SULT1E1: variants seen among roughly 807,000 people sequenced by gnomAD.
SULT1E1 encodes the protein sulfotransferase 1E1.
In SULT1E1, 36 loss-of-function variants were observed where a neutral mutation model predicts 33.6. The observed-to-expected ratio is 1.07, with a 90% CI of 0.82 to 1.41. The LOEUF (loss-of-function observed/expected upper bound fraction) is 1.41. Ranked by LOEUF, SULT1E1 falls within the 40% of genes most tolerant of loss-of-function variation. The pLI is 0.00. For missense variants in SULT1E1, 371 were observed against 345.7 expected (o/e 1.07, Z -0.58); for synonymous variants, 121 against 111.7 (o/e 1.08, Z -0.53).
chr4:69,855,288 A>T lies in SULT1E1; in HGVS notation c.271+13T>A. 1.9e-6 allele frequency: 3 copies of T among 1,609,306 alleles called. No individual in the cohort carries two copies. The highest frequency in any genetic ancestry group is 2.5e-6 in the Non-Finnish European group (3 of 1,177,800). ...TATATGCAAATAGTTTTTAAAATCA[A>T]CTTGAACGTTACCATTCATGAGGTT... On this transcript the variant is annotated intron_variant, in intron 3 of 7. Transcript: ENST00000226444.
At chr4:69,846,225 A>G (rs2110067044) in intron 6 of SULT1E1, among the ~76,000 whole-genome samples, 1 of 148,912 alleles carries the variant, frequency 6.7e-6, no homozygotes, top group Admixed American at 6.7e-5. Context: ...CTTATGAAAT[A>G]GAACATTCAC....
chr4:69,849,559 A>G lies in SULT1E1; in HGVS notation c.374T>C (p.Ile125Thr). 6.2e-7 allele frequency: 1 copy of G among 1,603,866 alleles called. No individual in the cohort carries two copies. The highest frequency in any genetic ancestry group is 8.5e-7 in the Non-Finnish European group (1 of 1,175,708). The change falls in exon 5 of 8, where the codon ATC becomes ACC. Residue 125 changes from isoleucine to threonine, a missense_variant. Physicochemically the swap from Ile to Thr is moderately conservative, Grantham distance 89. Coordinates refer to ENST00000226444, the MANE Select transcript of SULT1E1 (RefSeq NM_005420.3). ...ASFWEKDCKI[I>T]YLCRNAKDVA... ...ATCCTTTGCATTCCGGCAAAGATAG[A>G]TTATCTAAGAGGATGAAATTGTATA...
chr4:69,838,847 C>T (rs1362038189), downstream of SULT1E1, among the ~76,000 whole-genome samples: 1 of 152,354 alleles, frequency 6.6e-6, no homozygotes, highest in South Asian at 2.1e-4. Flanking sequence ...TCATACTGCA[C>T]TTGCCCTTTA....
In SULT1E1 at chr4:69,843,083, G is replaced by A. The variant is rs371340295; in HGVS notation, c.773-977C>T. On this transcript the variant is annotated intron_variant, in intron 7 of 7. Transcript: ENST00000226444. ...GATCTCCTGACCTCATGATCCGCCC[G>A]TCTCGGCCTCCCAAAGTGCTGGGAT... 5.9e-5 allele frequency among the ~76,000 whole-genome samples: 9 copies of A among 152,170 alleles called. No individual in the cohort carries two copies. The South Asian group carries it at 6.2e-4, about 11-fold the overall frequency.
At position 69,841,878 on chromosome 4, in the gene SULT1E1, G is replaced by T; in HGVS notation, c.*116C>A. 110 of 474,038 alleles carry T rather than the reference G, an allele frequency of 2.3e-4. No individual in the cohort carries two copies. The highest frequency in any genetic ancestry group is 3.2e-4 in the Non-Finnish European group (90 of 283,462). 29.4% of individuals were successfully genotyped at this position (474,038 alleles called of 1,614,324 possible). ...AAAAAGTTAAACAAAAATTTAAAAA[G>T]AAAATGTCAACATAATCCATGATTA... On this transcript the variant is annotated 3_prime_UTR_variant, in exon 8 of 8. Transcript: ENST00000226444.
rs375864132 is a variant in SULT1E1 at position 69,842,041 on chromosome 4, C to T, written c.838G>A (p.Glu280Lys). ...ALNEKFDKHYEQQMKESTLKF... is the reference protein window; with the variant it reads ...ALNEKFDKHYKQQMKESTLKF... ...AGTGTAGATTCCTTCATTTGCTGCT[C>T]ATAATGTTTATCAAATTTTTCATTC... Residue 280 changes from glutamate (E) to lysine (K), a missense_variant, in exon 8 of 8, where the codon GAG becomes AAG. Coordinates refer to ENST00000226444, the MANE Select transcript of SULT1E1 (RefSeq NM_005420.3). 17 of 1,609,552 alleles carry T rather than the reference C, an allele frequency of 1.1e-5. No homozygotes were observed. The highest frequency in any genetic ancestry group is 1.4e-5 in the Non-Finnish European group (16 of 1,178,402).
chr4:69,837,363 CAAT>C (rs1003683742), downstream of SULT1E1, among the ~76,000 whole-genome samples: 22 of 151,820 alleles, frequency 1.4e-4, no homozygotes, highest in South Asian at 4.2e-4. Flanking sequence ...AAAATATTAA[CAAT>C]AATAATAATT....
the SULT1E1 span, among the ~76,000 whole-genome samples, chr4:69,824,149 C>T: frequency 6.6e-6 from 1 of 152,186 alleles, no homozygotes; most frequent in Non-Finnish European, 1.5e-5. Flanking sequence ...AAAGTTACAC[C>T]TGAGTGCGGT....
the SULT1E1 span, among the ~76,000 whole-genome samples, chr4:69,831,382 T>C: frequency 1.2e-4 from 18 of 152,218 alleles, no homozygotes; most frequent in Non-Finnish European, 2.9e-5. Flanking sequence ...TGGTCAGTTT[T>C]ATATAATATT....
rs11573741 is a variant in SULT1E1 at position 69,859,383 on chromosome 4, C to T, written c.-10+666G>A. On this transcript the variant is annotated intron_variant, in intron 1 of 7. Transcript: ENST00000226444. ...TAGAATACTATGGTGGATATAGATA[C>T]ATAGGGTTCTCATAGTCCCTACTTT... is the stretch of plus-strand genomic sequence containing the variant. Among the ~76,000 whole-genome samples, 1,201 of 152,094 alleles carry T rather than the reference C, an allele frequency of 7.9e-3. 11 individuals carry two copies. The highest frequency in any genetic ancestry group is 0.024 in the Admixed American group (362 of 15,268).
downstream of SULT1E1, among the ~76,000 whole-genome samples, chr4:69,840,616 G>A (rs1720862674): frequency 6.6e-6 from 1 of 152,102 alleles, no homozygotes; most frequent in South Asian, 2.1e-4. Context: ...GAACCCTAAA[G>A]CATAAATATT....
downstream of SULT1E1, among the ~76,000 whole-genome samples, chr4:69,840,012 C>A (rs753807173): frequency 3.9e-5 from 6 of 152,072 alleles, no homozygotes; most frequent in South Asian, 6.2e-4. Flanking sequence ...ATGAATCTTA[C>A]AAAATGCATT....
intron 6 of SULT1E1, 144 bp downstream of exon 6, chr4:69,847,554 C>T: frequency 2.2e-6 from 1 of 447,788 alleles, no homozygotes; most frequent in East Asian, 3.5e-5. Context: ...GCTAAAGTAT[C>T]TGTATTATTT....
At chr4:69,835,319 G>A in the SULT1E1 span, among the ~76,000 whole-genome samples, 1 of 152,144 alleles carries the variant, frequency 6.6e-6, no homozygotes, top group Non-Finnish European at 1.5e-5. Flanking sequence ...AATTTATGTG[G>A]CATTACATTA....
At chr4:69,827,178 A>G in the SULT1E1 span, among the ~76,000 whole-genome samples, 141 of 152,298 alleles carry the variant, frequency 9.3e-4, no homozygotes, top group African/African-American at 3.3e-3. Flanking sequence ...CAAACCTTCT[A>G]TCTCACTTGG....
chr4:69,857,770 T>C (rs1721275583), intron 1 of SULT1E1, 117 bp from the exon 2 acceptor site: 2 of 877,624 alleles, frequency 2.3e-6, no homozygotes, highest in East Asian at 5.5e-5. Context: ...GTTGCACATA[T>C]GGGGCAAAAA....
At position 69,844,104 on chromosome 4, in the gene SULT1E1, A is replaced by G. The variant is rs1043707940; in HGVS notation, c.772+57T>C. The G allele has an allele frequency of 1.9e-6, 3 of 1,563,428 alleles. No homozygotes were observed. The African/African-American group carries it at 4.1e-5, about 21-fold the overall frequency. On this transcript the variant is annotated intron_variant, in intron 7 of 7. Coordinates refer to ENST00000226444, the MANE Select transcript of SULT1E1 (RefSeq NM_005420.3). The stretch of plus-strand genomic sequence containing the variant: ...AAAATACCTCACTAGATTTTTGCCT[A>G]TAACCATGTCACCTTGTGACTTCCT...
chr4:69,849,689 TAA>T (rs1434524833), intron 4 of SULT1E1, 126 bp from the exon 5 acceptor site: 1 of 811,716 alleles, frequency 1.2e-6, no homozygotes, highest in African/African-American at 1.8e-5. Context: ...ACAAAATGCA[TAA>T]GACATGTACA....
chr4:69,857,724 A>G, intron 1 of SULT1E1, 71 bp from the exon 2 acceptor site: 1 of 1,437,646 alleles, frequency 7.0e-7, no homozygotes, highest in African/African-American at 1.4e-5. Flanking sequence ...CTATGTATAT[A>G]ACGGGACCCT....
Sources: allele counts gnomAD v4.1 joint callset (sites outside exome capture counted in the v4.1 genomes callset), GRCh38; gene constraint gnomAD v4.1.1; transcripts MANE v1.5; gene names NCBI Gene and HGNC (gene_info 2026-07-23, HGNC 2026-07-21).